RBFOX1: variants seen among roughly 807,000 people sequenced by gnomAD.
RBFOX1 encodes RNA binding fox-1 homolog 1.
RBFOX1 carries 8 observed loss-of-function variants against 57.7 expected under a neutral mutation model. That is an observed-to-expected ratio of 0.14 (90% CI 0.08 to 0.25). RBFOX1 has a LOEUF of 0.25. Among genes scored for constraint, RBFOX1 ranks in the 10% least tolerant of loss-of-function variants. The pLI is 1.00. For synonymous variants in RBFOX1, 326 were observed against 222.4 expected, an observed-to-expected ratio of 1.47 and a Z score of -4.15; for missense variants, 611 against 548.5, an observed-to-expected ratio of 1.11 and a Z score of -1.14.
rs142867053 is a variant in RBFOX1 at position 7,453,461 on chromosome 16, A to G, written c.28-64686A>G. Among the ~76,000 whole-genome samples, 258 of 152,274 alleles carry G rather than the reference A, an allele frequency of 1.7e-3. 1 individual carries two copies. The highest frequency in any genetic ancestry group is 5.8e-3 in the African/African-American group (239 of 41,564). ...CGGGAGTTATGACTTTATCCTAAGAATAGGGATTCATTAAAGGTTTTAAGC... is the reference window on the plus strand; with the variant it reads ...CGGGAGTTATGACTTTATCCTAAGAGTAGGGATTCATTAAAGGTTTTAAGC... On this transcript the variant is annotated intron_variant, in intron 4 of 15. Transcript: ENST00000550418.
At chr16:7,693,478 A>AG in intron 14 of RBFOX1, 1 of 804,746 alleles carries the variant, frequency 1.2e-6, no homozygotes, top group South Asian at 1.8e-5. Flanking sequence ...AGTTTAGTTA[A>AG]GAAAAAAAAA....
At chr16:6,260,511 G>C (rs2097695318) in intron 1 of RBFOX1, among the ~76,000 whole-genome samples, 2 of 152,088 alleles carry the variant, frequency 1.3e-5, no homozygotes, top group African/African-American at 4.8e-5. Flanking sequence ...TCAGCCCATA[G>C]GTTTTAATTA....
At chr16:7,518,442 C>G (rs2076839268) in intron 5 of RBFOX1, 53 bp downstream of exon 5, 3 of 1,554,158 alleles carry the variant, frequency 1.9e-6, no homozygotes, top group Admixed American at 3.5e-5. Context: ...CGCCCCCAGC[C>G]CTGGTAATGG....
chr16:6,981,860 G>A (rs111783086), intron 3 of RBFOX1, among the ~76,000 whole-genome samples: 4 of 152,310 alleles, frequency 2.6e-5, no homozygotes, highest in African/African-American at 9.6e-5. Flanking sequence ...AGTCTACACT[G>A]ATGACATTTA....
At chr16:7,013,331 T>C (rs1449262652) in intron 3 of RBFOX1, among the ~76,000 whole-genome samples, 1 of 152,182 alleles carries the variant, frequency 6.6e-6, no homozygotes, top group Admixed American at 6.5e-5. Flanking sequence ...GCTCATGTTA[T>C]ACGTGCAATA....
At chr16:5,886,799 A>G (rs2057910875) in intron 4 of RBFOX1, among the ~76,000 whole-genome samples, 1 of 152,196 alleles carries the variant, frequency 6.6e-6, no homozygotes, top group African/African-American at 2.4e-5. Context: ...GAGGCAGGGG[A>G]ATCACTTGAA....
intron 4 of RBFOX1, among the ~76,000 whole-genome samples, chr16:7,095,001 T>C (rs1021314953): frequency 6.6e-6 from 1 of 152,220 alleles, no homozygotes; most frequent in Non-Finnish European, 1.5e-5. Context: ...AATTGTGGAA[T>C]AACCTTTTTA....
intron 1 of RBFOX1, among the ~76,000 whole-genome samples, chr16:6,047,594 G>A (rs1050414117): frequency 8.5e-5 from 13 of 152,318 alleles, no homozygotes; most frequent in African/African-American, 2.9e-4. Context: ...AGAAAAGGAA[G>A]CAGGGGGTGA....
chr16:5,800,939 T>C (rs2055036336), intron 3 of RBFOX1, among the ~76,000 whole-genome samples: 3 of 152,166 alleles, frequency 2.0e-5, no homozygotes, highest in Non-Finnish European at 4.4e-5. Context: ...ATCTGCCTTC[T>C]TGTCCCTGAT....
intron 3 of RBFOX1, among the ~76,000 whole-genome samples, chr16:5,790,352 C>T (rs934122017): frequency 1.3e-5 from 2 of 152,082 alleles, no homozygotes; most frequent in Non-Finnish European, 2.9e-5. Context: ...CTGCATTTTC[C>T]ATTGTCCAAG....
intron 4 of RBFOX1, among the ~76,000 whole-genome samples, chr16:7,335,503 A>T (rs890130531): frequency 4.0e-5 from 6 of 150,594 alleles, no homozygotes; most frequent in African/African-American, 1.5e-4. Flanking sequence ...ATTTTGTGGC[A>T]GAGTGCTCCC....
intron 2 of RBFOX1, among the ~76,000 whole-genome samples, chr16:5,590,106 A>T (rs1285799349): frequency 6.6e-6 from 1 of 152,098 alleles, no homozygotes; most frequent in Non-Finnish European, 1.5e-5. Context: ...ATTTGGGCTA[A>T]ATTGACCTTG....
chr16:5,954,491 C>T lies in RBFOX1; in HGVS notation c.351+87156C>T, dbSNP rs182262569. 3.2e-4 allele frequency among the ~76,000 whole-genome samples: 49 copies of T among 152,284 alleles called. No individual in the cohort carries two copies. The East Asian group carries it at 8.1e-3, about 25-fold the overall frequency. ...ATTTTTCATCCTAATTTCAGAGATG[C>T]TCGTGGTGCCCTTGCGTGGCATCTT... On this transcript the variant is annotated intron_variant, in intron 4 of 19. Coordinates refer to the RBFOX1 transcript ENST00000641259.
chr16:6,555,661 C>G (rs1415872487), intron 2 of RBFOX1, among the ~76,000 whole-genome samples: 1 of 151,986 alleles, frequency 6.6e-6, no homozygotes, highest in Non-Finnish European at 1.5e-5. Context: ...GATCATGCCA[C>G]TGCACTCCAG....
At chr16:7,633,548 A>G (rs1020758465) in intron 11 of RBFOX1, among the ~76,000 whole-genome samples, 2 of 152,172 alleles carry the variant, frequency 1.3e-5, no homozygotes, top group African/African-American at 4.8e-5. Flanking sequence ...ACACCCTTCA[A>G]TAGAGCAGTT....
intron 1 of RBFOX1, among the ~76,000 whole-genome samples, chr16:6,141,585 C>T (rs2096716322): frequency 6.6e-6 from 1 of 152,134 alleles, no homozygotes; most frequent in African/African-American, 2.4e-5. Flanking sequence ...CCTGCTTGTC[C>T]AATCCACCAC....
chr16:6,769,921 T>C (rs752165423), intron 3 of RBFOX1, among the ~76,000 whole-genome samples: 9 of 152,198 alleles, frequency 5.9e-5, no homozygotes, highest in Admixed American at 4.6e-4. Flanking sequence ...GTCTGTTGTT[T>C]AGAGGGGGAT....
rs541641833 is a variant in RBFOX1, at chr16:7,134,509, A to G, written c.27+82411A>G. 9.2e-5 allele frequency among the ~76,000 whole-genome samples: 14 copies of G among 152,288 alleles called. 1 individual carries two copies. The South Asian group carries it at 2.9e-3, about 32-fold the overall frequency. ...TTTGATCGTATTGCTGTTTCAGCCCAGAGTTTTGTGATAGGTTTGTTTTTA... is the reference window on the plus strand; with the variant it reads ...TTTGATCGTATTGCTGTTTCAGCCCGGAGTTTTGTGATAGGTTTGTTTTTA... On this transcript the variant is annotated intron_variant, in intron 4 of 15. Transcript: ENST00000550418.
At chr16:6,304,876 C>CAAAAAAAAA (rs58680911) in intron 1 of RBFOX1, among the ~76,000 whole-genome samples, 16,454 of 78,750 alleles carry the variant, frequency 0.21, 2,056 homozygotes, top group East Asian at 0.26. Context: ...GACCCTGTCT[C>CAAAAAAAAA]AAAAAAAAAA....
Sources: allele counts gnomAD v4.1 joint callset (sites outside exome capture counted in the v4.1 genomes callset), GRCh38; gene constraint gnomAD v4.1.1; transcripts MANE v1.5; gene names NCBI Gene and HGNC (gene_info 2026-07-23, HGNC 2026-07-21).